The following TUSC3 variants were observed in gnomAD, a reference collection of about 807,000 sequenced individuals.
The protein encoded by TUSC3 is tumor suppressor candidate 3, also known as dolichyl-diphosphooligosaccharide--protein glycosyltransferase subunit TUSC3.
Under a neutral mutation model 44.8 loss-of-function variants are expected in TUSC3, and 45 were observed. The observed-to-expected ratio is 1.00, with a 90% CI of 0.79 to 1.29. The LOEUF (loss-of-function observed/expected upper bound fraction) is 1.29, where lower values mean the gene tolerates loss of function less well. Among genes scored for constraint, TUSC3 ranks in the 50% most tolerant of loss-of-function variants. The pLI, the probability that TUSC3 is intolerant of heterozygous loss-of-function variation, is 0.00. For synonymous variants in TUSC3, 212 were observed against 152.9 expected (o/e 1.39, Z -2.85); for missense variants, 519 against 437.9 (o/e 1.19, Z -1.65).
chr8:15,769,624 T>C (rs1812406346), downstream of TUSC3, among the ~76,000 whole-genome samples: 1 of 152,064 alleles, frequency 6.6e-6, no homozygotes, highest in Non-Finnish European at 1.5e-5. Flanking sequence ...AAAGAAACTA[T>C]GATTAGAGCA....
intron 6 of TUSC3, among the ~76,000 whole-genome samples, chr8:15,713,520 A>G (rs1405016438): frequency 1.3e-5 from 2 of 152,156 alleles, no homozygotes; most frequent in African/African-American, 4.8e-5. Flanking sequence ...ATAACAAAGT[A>G]CCACTCACTG....
At chr8:15,520,620 G>A (rs1801284385) in intron 2 of TUSC3, among the ~76,000 whole-genome samples, 1 of 152,090 alleles carries the variant, frequency 6.6e-6, no homozygotes, top group South Asian at 2.1e-4. Context: ...CATGTACCTG[G>A]AAATACAGAA....
At chr8:15,424,646 C>T (rs1374048991) in intron 1 of TUSC3, among the ~76,000 whole-genome samples, 6 of 152,152 alleles carry the variant, frequency 3.9e-5, no homozygotes, top group Non-Finnish European at 5.9e-5. Context: ...TCTGGGAGGC[C>T]GAGGTGGATG....
At chr8:15,708,965 T>A (rs1329589717) in intron 6 of TUSC3, among the ~76,000 whole-genome samples, 2 of 151,912 alleles carry the variant, frequency 1.3e-5, no homozygotes, top group Non-Finnish European at 2.9e-5. Context: ...TTGATCTAAA[T>A]TGACAAAGTA....
upstream of TUSC3, chr8:15,540,090 T>G: frequency 3.7e-6 from 1 of 271,900 alleles, no homozygotes; most frequent in East Asian, 6.5e-5. Context: ...TGGCCTCAGA[T>G]TGAGGTCCCA....
chr8:15,431,578 C>T (rs1799874142), intron 1 of TUSC3, among the ~76,000 whole-genome samples: 1 of 150,662 alleles, frequency 6.6e-6, no homozygotes, highest in Admixed American at 6.6e-5. Context: ...GCTTGGCAAA[C>T]TCTTTAGAGG....
intron 5 of TUSC3, among the ~76,000 whole-genome samples, chr8:15,668,978 G>C (rs953902627): frequency 6.6e-6 from 1 of 151,714 alleles, no homozygotes; most frequent in African/African-American, 2.4e-5. Flanking sequence ...AAAAAGCAGA[G>C]TAGAGTATTT....
chr8:15,731,339 T>G (rs1447579560), intron 7 of TUSC3, among the ~76,000 whole-genome samples: 3 of 152,144 alleles, frequency 2.0e-5, no homozygotes, highest in Non-Finnish European at 2.9e-5. Flanking sequence ...AAAATTAGTT[T>G]GGACACTGTT....
chr8:15,476,516 G>C (rs1800576998), intron 1 of TUSC3, among the ~76,000 whole-genome samples: 1 of 152,068 alleles, frequency 6.6e-6, no homozygotes, highest in Admixed American at 6.5e-5. Flanking sequence ...TCTTAAACGT[G>C]ATTTACAAAG....
chr8:15,642,246 A>T (rs1482972133), intron 2 of TUSC3, among the ~76,000 whole-genome samples: 1 of 152,124 alleles, frequency 6.6e-6, no homozygotes, highest in Non-Finnish European at 1.5e-5. Context: ...ATATACTCAG[A>T]TAGTTAACTG....
intron 1 of TUSC3, among the ~76,000 whole-genome samples, chr8:15,446,129 G>T (rs1800094222): frequency 6.6e-6 from 1 of 151,776 alleles, no homozygotes; most frequent in Non-Finnish European, 1.5e-5. Flanking sequence ...ATCCCAGACG[G>T]GGTCGCGGCC....
chr8:15,447,396 T>C (rs1800120863), intron 1 of TUSC3, among the ~76,000 whole-genome samples: 1 of 152,124 alleles, frequency 6.6e-6, no homozygotes, highest in Non-Finnish European at 1.5e-5. Flanking sequence ...ATGAGGAAGA[T>C]GTGACATTAA....
In TUSC3 at chr8:15,761,896, T is replaced by G. The variant is rs568794197; in HGVS notation, c.*47-2307T>G. Among the ~76,000 whole-genome samples the G allele has an allele frequency of 1.6e-4, 25 of 152,220 alleles. No homozygotes were observed. The East Asian group carries it at 4.6e-3, about 28-fold the overall frequency. ...TAAGTTTGTGAGAACTATTATACTG[T>G]TAGATTAAGAAGCAAAAGTATTTAT... On this transcript the variant is annotated intron_variant, in intron 10 of 10. Transcript: ENST00000503731.
At chr8:15,491,572 T>C (rs1800809564) in intron 2 of TUSC3, among the ~76,000 whole-genome samples, 1 of 152,232 alleles carries the variant, frequency 6.6e-6, no homozygotes, top group South Asian at 2.1e-4. Context: ...CACTGAATTT[T>C]TATCTTTTTG....
chr8:15,565,855 C>T (rs758134194), intron 1 of TUSC3, among the ~76,000 whole-genome samples: 1 of 152,046 alleles, frequency 6.6e-6, no homozygotes, highest in African/African-American at 2.4e-5. Context: ...GTACAGTCTC[C>T]TTAATCTCCT....
At chr8:15,428,169 T>G (rs184542802) in intron 1 of TUSC3, among the ~76,000 whole-genome samples, 31 of 134,942 alleles carry the variant, frequency 2.3e-4, no homozygotes, top group Non-Finnish European at 4.0e-4. Context: ...CCTTCCTGTG[T>G]CCATGTGTTC....
At chr8:15,584,401 T>G (rs1313302135) in intron 1 of TUSC3, among the ~76,000 whole-genome samples, 1 of 152,218 alleles carries the variant, frequency 6.6e-6, no homozygotes, top group Non-Finnish European at 1.5e-5. Context: ...CTGTTTTGAT[T>G]AATTTGGTCA....
At chr8:15,611,480 C>G (rs1440846439) in intron 1 of TUSC3, among the ~76,000 whole-genome samples, 5 of 152,162 alleles carry the variant, frequency 3.3e-5, no homozygotes, top group Non-Finnish European at 7.3e-5. Context: ...AGCCATCGTA[C>G]CTGGCTACCT....
At chr8:15,834,058 A>C in the TUSC3 span, among the ~76,000 whole-genome samples, 2 of 152,070 alleles carry the variant, frequency 1.3e-5, no homozygotes, top group Non-Finnish European at 2.9e-5. Flanking sequence ...ACAATGAATT[A>C]GCTTTTATGG....
Sources: allele counts gnomAD v4.1 joint callset (sites outside exome capture counted in the v4.1 genomes callset), GRCh38; gene constraint gnomAD v4.1.1; transcripts MANE v1.5; gene names NCBI Gene and HGNC (gene_info 2026-07-23, HGNC 2026-07-21).